The following PTGER2 variants were observed in gnomAD, a reference collection of about 807,000 sequenced individuals.
PTGER2 encodes the protein prostaglandin E receptor 2.
Under a neutral mutation model 26.2 loss-of-function variants are expected in PTGER2, and 22 were observed. The observed-to-expected ratio is 0.84, with a 90% CI of 0.60 to 1.20. The LOEUF (loss-of-function observed/expected upper bound fraction) is 1.20. Among genes scored for constraint, PTGER2 ranks in the 50% most tolerant of loss-of-function variants. PTGER2 has a pLI of 0.00. For synonymous variants in PTGER2, 219 were observed against 208.9 expected, an observed-to-expected ratio of 1.05 and a Z score of -0.42; for missense variants, 458 against 475.2, an observed-to-expected ratio of 0.96 and a Z score of 0.34.
chr14:52,315,283 C>G lies in PTGER2; in HGVS notation c.735C>G (p.Pro245=), dbSNP rs551869499. 2.5e-5 allele frequency: 41 copies of G among 1,612,626 alleles called. No individual in the cohort carries two copies. Among genetic ancestry groups the G allele is most frequent in the African/African-American group, 4.0e-5 (3 of 74,752 alleles). The change falls in exon 1 of 2, where the codon CCC becomes CCG. Residue 245 remains proline (P), a synonymous_variant. Coordinates refer to ENST00000245457, the MANE Select transcript of PTGER2 (RefSeq NM_000956.4). ...CCCTGGGCAGTGGCCGGGGCGGCCC[C>G]GGGGCCCGCAGGAGAGGGGAAAGGG... ...GPSLGSGRGG[P]GARRRGERVS... is the part of the protein sequence containing the mutation.
Position 52,314,327 on chromosome 14 carries a change from A to T in PTGER2, c.-222A>T. 2 of 396,928 alleles carry T rather than the reference A, an allele frequency of 5.0e-6. No individual in the cohort carries two copies. Among genetic ancestry groups the T allele is most frequent in the Non-Finnish European group, 8.4e-6 (2 of 238,768 alleles). 24.6% of individuals were successfully genotyped at this position (396,928 alleles called of 1,614,324 possible). On this transcript the variant is annotated 5_prime_UTR_variant, in exon 1 of 2. Transcript: ENST00000245457. This position sits in a 1 kb window ranked among gnomAD's most constrained non-coding sequence, Gnocchi z 5.7. ...CTTGGCCGGCGCGGGTAGGCGCGGG[A>T]GCCTCGAGCGCCGCTCGGATGCAGC... is the stretch of plus-strand genomic sequence containing the variant.
intron 1 of PTGER2, among the ~76,000 whole-genome samples, chr14:52,322,094 G>T (rs976729066): frequency 6.6e-6 from 1 of 152,128 alleles, no homozygotes; most frequent in Admixed American, 6.5e-5. Context: ...GAGTCTCTGG[G>T]TATCGGGGGA....
At chr14:52,321,077 CT>C (rs1278349868) in intron 1 of PTGER2, among the ~76,000 whole-genome samples, 8 of 152,284 alleles carry the variant, frequency 5.3e-5, no homozygotes, top group African/African-American at 9.6e-5. Context: ...AGCATTTGCT[CT>C]TTTTTTGTTT....
intron 1 of PTGER2, among the ~76,000 whole-genome samples, chr14:52,324,896 C>G (rs888404461): frequency 6.6e-6 from 1 of 152,002 alleles, no homozygotes; most frequent in African/African-American, 2.4e-5. Context: ...CCCAGCACTT[C>G]GGGAGGCCAA....
At chr14:52,327,155 AG>A in intron 1 of PTGER2, 65 bp from the exon 2 acceptor site, 2 of 1,166,294 alleles carry the variant, frequency 1.7e-6, no homozygotes, top group South Asian at 2.9e-5. Context: ...GACATAACAT[AG>A]GGTCTAAGCC....
intron 1 of PTGER2, among the ~76,000 whole-genome samples, chr14:52,324,664 T>C (rs2140039820): frequency 6.6e-6 from 1 of 152,308 alleles, no homozygotes; most frequent in East Asian, 1.9e-4. Flanking sequence ...AATGGCAAAA[T>C]GGTAAATTTT....
rs563479811 is a variant in PTGER2 at position 52,327,205 on chromosome 14, C to T, written c.844-16C>T. ...GATGTAAAACTAACATCATTTTTCC[C>T]CTTTGCTTCTTACAGATTTTTGCAT... is the stretch of plus-strand genomic sequence containing the variant. On this transcript the variant is annotated splice_polypyrimidine_tract_variant and intron_variant, in intron 1 of 1. Transcript: ENST00000245457. The T allele has an allele frequency of 6.5e-7, 1 of 1,528,900 alleles. No individual in the cohort carries two copies. The highest frequency in any genetic ancestry group is 1.1e-5 in the South Asian group (1 of 88,866). 94.7% of individuals were successfully genotyped at this position (1,528,900 alleles called of 1,614,324 possible).
chr14:52,316,901 A>T (rs564334620), intron 1 of PTGER2, among the ~76,000 whole-genome samples: 5 of 152,122 alleles, frequency 3.3e-5, no homozygotes, highest in Non-Finnish European at 1.5e-5. Flanking sequence ...CTCCCATACC[A>T]CTCTGAGCAG....
At chr14:52,322,855 A>AC (rs2033911685) in intron 1 of PTGER2, among the ~76,000 whole-genome samples, 1 of 152,170 alleles carries the variant, frequency 6.6e-6, no homozygotes, top group South Asian at 2.1e-4. Flanking sequence ...GCCCGACCCC[A>AC]CAGCCAGTCA....
intron 1 of PTGER2, among the ~76,000 whole-genome samples, chr14:52,317,297 G>A (rs1236997777): frequency 1.3e-5 from 2 of 152,128 alleles, no homozygotes; most frequent in Non-Finnish European, 2.9e-5. Context: ...TTTCCTACAC[G>A]AGCAAGAGGA....
At chr14:52,323,236 T>C (rs2033916208) in intron 1 of PTGER2, among the ~76,000 whole-genome samples, 2 of 152,102 alleles carry the variant, frequency 1.3e-5, no homozygotes, top group Admixed American at 6.5e-5. Flanking sequence ...CATGTATGTA[T>C]GTATGTATGT....
intron 1 of PTGER2, among the ~76,000 whole-genome samples, chr14:52,323,025 C>T (rs2033913347): frequency 6.6e-6 from 1 of 152,142 alleles, no homozygotes; most frequent in South Asian, 2.1e-4. Flanking sequence ...ACATCCTCAG[C>T]TTACGAAGAT....
chr14:52,316,203 G>T (rs1261554675), intron 1 of PTGER2, among the ~76,000 whole-genome samples: 1 of 152,192 alleles, frequency 6.6e-6, no homozygotes, highest in African/African-American at 2.4e-5. Flanking sequence ...CCACAGGCAG[G>T]AATGGCTGGT....
chr14:52,314,351 G>A lies in PTGER2; in HGVS notation c.-198G>A. The A allele has an allele frequency of 5.6e-6, 3 of 536,492 alleles. No individual in the cohort carries two copies. In the South Asian group the frequency reaches 2.9e-4, roughly 51 times the overall value. 33.2% of individuals were successfully genotyped at this position (536,492 alleles called of 1,614,324 possible). A position where few individuals can be genotyped will look rare whatever the true frequency, so the allele number is the denominator to read the frequency against. On this transcript the variant is annotated 5_prime_UTR_variant, in exon 1 of 2. Transcript: ENST00000245457. The surrounding 1 kb of genome is among the most constrained non-coding windows in gnomAD (Gnocchi z 5.7). ...GAGCCTCGAGCGCCGCTCGGATGCAGCAGCCGAGCCGCCACTCGGCGCGCG... is the reference window on the plus strand; with the variant it reads ...GAGCCTCGAGCGCCGCTCGGATGCAACAGCCGAGCCGCCACTCGGCGCGCG...
Position 52,314,339 on chromosome 14 carries a change from C to G in PTGER2, c.-210C>G. On this transcript the variant is annotated 5_prime_UTR_variant, in exon 1 of 2. Coordinates refer to ENST00000245457, the MANE Select transcript of PTGER2 (RefSeq NM_000956.4). The surrounding 1 kb of genome is among the most constrained non-coding windows in gnomAD (Gnocchi z 5.7). ...GGGTAGGCGCGGGAGCCTCGAGCGC[C>G]GCTCGGATGCAGCAGCCGAGCCGCC... 1 of 471,154 alleles carries G rather than the reference C, an allele frequency of 2.1e-6. No homozygotes were observed. 29.2% of individuals were successfully genotyped at this position (471,154 alleles called of 1,614,324 possible).
Position 52,327,659 on chromosome 14 carries a change from C to G in PTGER2, c.*205C>G, listed in dbSNP as rs2033966019. ...GTCAGAAGGAGCTACAAAACCTACC[C>G]TCAGTGAGCATGGTACTTGGCCTTT... is the stretch of plus-strand genomic sequence containing the variant. On this transcript the variant is annotated 3_prime_UTR_variant, in exon 2 of 2. Coordinates refer to ENST00000245457, the MANE Select transcript of PTGER2 (RefSeq NM_000956.4). The G allele has an allele frequency of 1.9e-6, 1 of 534,856 alleles. No individual in the cohort carries two copies. Among genetic ancestry groups the G allele is most frequent in the African/African-American group, 1.9e-5 (1 of 52,240 alleles). The allele number at this position is 534,856 out of a possible 1,614,324, so 33.1% of individuals were successfully genotyped here.
In PTGER2 at chr14:52,314,371, C is replaced by A; in HGVS notation, c.-178C>A. On this transcript the variant is annotated 5_prime_UTR_variant, in exon 1 of 2. Transcript: ENST00000245457. The surrounding 1 kb of genome is among the most constrained non-coding windows in gnomAD (Gnocchi z 5.7). The stretch of plus-strand genomic sequence containing the variant: ...ATGCAGCAGCCGAGCCGCCACTCGG[C>A]GCGCGGCGGGAGACCCAGGGCAAGC... 1.5e-6 allele frequency: 1 copy of A among 681,252 alleles called. No homozygotes were observed. Among genetic ancestry groups the A allele is most frequent in the Non-Finnish European group, 2.1e-6 (1 of 486,500 alleles). The allele number at this position is 681,252 out of a possible 1,614,324, so 42.2% of individuals were successfully genotyped here. A position where few individuals can be genotyped will look rare whatever the true frequency, so the allele number is the denominator to read the frequency against.
In PTGER2 at chr14:52,327,352, A is replaced by G. The variant is rs1482308086; in HGVS notation, c.975A>G (p.Leu325=). 1 of 1,613,214 alleles carries G rather than the reference A, an allele frequency of 6.2e-7. No individual in the cohort carries two copies. Among genetic ancestry groups the G allele is most frequent in the African/African-American group, 1.3e-5 (1 of 74,908 alleles). Residue 325 remains leucine (L), a synonymous_variant, in exon 2 of 2, where the codon CTA becomes CTG. Transcript: ENST00000245457. ...FAILRPPVLR[L]MRSVLCCRIS... ...TCCTTAGGCCTCCTGTTCTGAGACTAATGCGTTCAGTCCTCTGTTGTCGGA... is the reference window on the plus strand; with the variant it reads ...TCCTTAGGCCTCCTGTTCTGAGACTGATGCGTTCAGTCCTCTGTTGTCGGA...
At chr14:52,316,664 G>T (rs1338968341) in intron 1 of PTGER2, among the ~76,000 whole-genome samples, 1 of 152,178 alleles carries the variant, frequency 6.6e-6, no homozygotes, top group East Asian at 1.9e-4. Context: ...CCTCAGGGAT[G>T]GGAAGGGACA....
Sources: allele counts gnomAD v4.1 joint callset (sites outside exome capture counted in the v4.1 genomes callset), GRCh38; gene constraint gnomAD v4.1.1; non-coding constraint Gnocchi (gnomAD v3.1); transcripts MANE v1.5; gene names NCBI Gene and HGNC (gene_info 2026-07-23, HGNC 2026-07-21).